Variants in PPARGC1B observed in about 807,000 individuals in gnomAD.
PPARGC1B encodes peroxisome proliferator-activated receptor gamma coactivator 1-beta.
Under a neutral mutation model 101.6 loss-of-function variants are expected in PPARGC1B, and 34 were observed. The observed-to-expected ratio is 0.33, with a 90% confidence interval of 0.25 to 0.45. The LOEUF is 0.45. Among genes scored for constraint, PPARGC1B ranks in the 20% least tolerant of loss-of-function variants. The pLI is 1.00. For missense variants in PPARGC1B, 1,234 were observed against 1,317.6 expected (o/e 0.94, Z 0.98); for synonymous variants, 548 against 539.3 (o/e 1.02, Z -0.22).
intron 1 of PPARGC1B, 149 bp from the exon 2 acceptor site, chr5:149,820,284 G>T: frequency 2.8e-6 from 2 of 717,770 alleles, no homozygotes; most frequent in Non-Finnish European, 4.7e-6. Flanking sequence ...TCAACCAAGG[G>T]GTGAAGCTGA....
intron 1 of PPARGC1B, among the ~76,000 whole-genome samples, chr5:149,745,048 T>C (rs1755038472): frequency 6.6e-6 from 1 of 152,026 alleles, no homozygotes; most frequent in Admixed American, 6.6e-5. Context: ...ACTAAAGGCA[T>C]GTGCCACTAC....
In PPARGC1B at chr5:149,809,115, TTAGATAGA is replaced by T. The variant is rs10635808; in HGVS notation, c.79-11276_79-11269del. 9.2e-3 allele frequency among the ~76,000 whole-genome samples: 777 copies of T among 84,136 alleles called. 6 individuals carry two copies. The highest frequency in any genetic ancestry group is 0.019 in the African/African-American group (399 of 20,848). 55.2% of individuals were successfully genotyped at this position (84,136 alleles called of 152,430 possible). On this transcript the variant is annotated intron_variant, in intron 1 of 11. Transcript: ENST00000309241. ...ACACAGAAAGACCCCTATCTCCACCTTAGATAGATAGATAGATAGATAGATAGATAGAT... is the reference window on the plus strand; with the variant it reads ...ACACAGAAAGACCCCTATCTCCACCTTAGATAGATAGATAGATAGATAGAT...
At chr5:149,804,391 C>T (rs1373367590) in intron 1 of PPARGC1B, among the ~76,000 whole-genome samples, 2 of 152,044 alleles carry the variant, frequency 1.3e-5, no homozygotes, top group Admixed American at 1.3e-4. Context: ...CACAGTGATG[C>T]GGCCGGGTGC....
chr5:149,774,642 A>G (rs1188751936), intron 1 of PPARGC1B, among the ~76,000 whole-genome samples: 1 of 151,580 alleles, frequency 6.6e-6, no homozygotes, highest in Non-Finnish European at 1.5e-5. Context: ...GTTTGTCTCT[A>G]TTTAGGGTGC....
chr5:149,830,055 G>GAAAAAAAAA (rs71587791), intron 3 of PPARGC1B, among the ~76,000 whole-genome samples: 1 of 89,816 alleles, frequency 1.1e-5, no homozygotes, highest in Non-Finnish European at 2.1e-5. Context: ...AAAAAAAAAA[G>GAAAAAAAAA]AAAAAAAAAA....
intron 1 of PPARGC1B, among the ~76,000 whole-genome samples, chr5:149,784,159 C>T (rs1303996293): frequency 6.6e-6 from 1 of 152,044 alleles, no homozygotes; most frequent in Non-Finnish European, 1.5e-5. Context: ...CTATAGTCCT[C>T]AGTCAGGGAG....
At position 149,814,875 on chromosome 5, in the gene PPARGC1B, G is replaced by A. The variant is rs1164190212; in HGVS notation, c.79-5558G>A. On this transcript the variant is annotated intron_variant, in intron 1 of 11. Coordinates refer to ENST00000309241, the MANE Select transcript of PPARGC1B (RefSeq NM_133263.4). ...GTGTTGCTGGAGAAGGGGGGCCCAC[G>A]GCAGGGGGTGAGCAGGCACGTTGAG... is the stretch of plus-strand genomic sequence containing the variant. Among the ~76,000 whole-genome samples, 8 of 152,328 alleles carry A rather than the reference G, an allele frequency of 5.3e-5. No individual in the cohort carries two copies. The East Asian group carries it at 1.2e-3, about 22-fold the overall frequency.
chr5:149,809,115 TTAGATAGATAGATAGA>T (rs10635808), intron 1 of PPARGC1B, among the ~76,000 whole-genome samples: 6 of 84,154 alleles, frequency 7.1e-5, no homozygotes, highest in Middle Eastern at 6.7e-3. Flanking sequence ...TATCTCCACC[TTAGATAGATAGATAGA>T]TAGATAGATA....
rs565725584 is a variant in PPARGC1B, at chr5:149,843,159, A to C, written c.2816+782A>C. 2.8e-4 allele frequency among the ~76,000 whole-genome samples: 43 copies of C among 152,066 alleles called. 1 individual carries two copies. Among genetic ancestry groups the C allele is most frequent in the Admixed American group, 2.4e-3 (37 of 15,286 alleles). On this transcript the variant is annotated intron_variant, in intron 10 of 11. Transcript: ENST00000309241. Reference sequence around the variant, plus strand: ...CTCCAGCCTGGGTGATAGAGCAAAAAATAAGAAAAGGCCCCAGGCCTTTTG... The same window carrying C: ...CTCCAGCCTGGGTGATAGAGCAAAACATAAGAAAAGGCCCCAGGCCTTTTG...
intron 1 of PPARGC1B, among the ~76,000 whole-genome samples, chr5:149,815,709 G>A (rs1758026632): frequency 6.6e-6 from 1 of 152,108 alleles, no homozygotes; most frequent in Non-Finnish European, 1.5e-5. Context: ...GCCATACCTA[G>A]CTCATTTTTG....
At chr5:149,834,524 C>T (rs760475250) in intron 5 of PPARGC1B, 150 bp from the exon 6 acceptor site, 2 of 637,728 alleles carry the variant, frequency 3.1e-6, no homozygotes, top group Non-Finnish European at 5.5e-6. Context: ...GTTGTTCTGC[C>T]CTTCTCTAAA....
intron 2 of PPARGC1B, among the ~76,000 whole-genome samples, chr5:149,824,383 T>A (rs913758530): frequency 6.6e-6 from 1 of 152,162 alleles, no homozygotes; most frequent in African/African-American, 2.4e-5. Context: ...CACTCTTTCA[T>A]TAAGTAAATC....
chr5:149,826,784 C>T lies in PPARGC1B; in HGVS notation c.364C>T (p.Leu122=), dbSNP rs758846221. 4.3e-6 allele frequency: 7 copies of T among 1,613,910 alleles called. No homozygotes were observed. In the East Asian group the frequency reaches 1.6e-4, roughly 36 times the overall value. Residue 122 remains leucine, a synonymous_variant, in exon 3 of 12, where the codon CTA becomes TTA. Transcript: ENST00000309241. ...AFPALDGGDA[L]SCTSASPAPS... ...CCCAGCCCTGGATGGTGGAGACGCT[C>T]TATCATGCACCTCAGCTTCGCCTGC...
intron 1 of PPARGC1B, among the ~76,000 whole-genome samples, chr5:149,754,067 T>C (rs1398995020): frequency 6.6e-6 from 1 of 152,236 alleles, no homozygotes; most frequent in African/African-American, 2.4e-5. Flanking sequence ...TATGTTTCTG[T>C]AGAAATGCAT....
chr5:149,835,268 T>G, intron 6 of PPARGC1B, 33 bp from the exon 7 acceptor site: 1 of 1,610,902 alleles, frequency 6.2e-7, no homozygotes, highest in Non-Finnish European at 8.5e-7. Flanking sequence ...GCTGACTTGC[T>G]TCTTTCCTTT....
intron 1 of PPARGC1B, among the ~76,000 whole-genome samples, chr5:149,780,580 AG>A (rs1423652951): frequency 2.6e-5 from 4 of 152,100 alleles, no homozygotes; most frequent in Admixed American, 2.6e-4. Context: ...TTGGCAGTGG[AG>A]GGGTAGTTGT....
intron 1 of PPARGC1B, chr5:149,772,170 G>A (rs1239077860): frequency 6.2e-7 from 1 of 1,607,856 alleles, no homozygotes; most frequent in Non-Finnish European, 8.5e-7. Flanking sequence ...TGTTTAGGTG[G>A]CGTTGGTGGT....
At chr5:149,737,058 C>T (rs1485313471) in intron 1 of PPARGC1B, among the ~76,000 whole-genome samples, 1 of 152,194 alleles carries the variant, frequency 6.6e-6, no homozygotes, top group Non-Finnish European at 1.5e-5. Context: ...ATCTGCTCTA[C>T]CTTTTCATTT....
Position 149,730,451 on chromosome 5 carries a change from C to T in PPARGC1B, c.78+31C>T, listed in dbSNP as rs761199558. On this transcript the variant is annotated intron_variant, in intron 1 of 11. Coordinates refer to ENST00000309241, the MANE Select transcript of PPARGC1B (RefSeq NM_133263.4). This position sits in a 1 kb window ranked among gnomAD's most constrained non-coding sequence, Gnocchi z 4.0. ...GCCGGCTGGGGCTGCGGGCCCGGGG[C>T]CAGGGGTGCTGAGCTGCGGGGGCCG... 2 of 1,511,250 alleles carry T rather than the reference C, an allele frequency of 1.3e-6. No homozygotes were observed. The highest frequency in any genetic ancestry group is 4.2e-5 in the Admixed American group (2 of 47,860). The allele number at this position is 1,511,250 out of a possible 1,614,324, so 93.6% of individuals were successfully genotyped here.
Sources: gnomAD v4.1 joint callset for allele counts (sites outside exome capture counted in the v4.1 genomes callset) on GRCh38, gnomAD v4.1.1 for gene constraint, Gnocchi (gnomAD v3.1) non-coding constraint, MANE v1.5 for transcripts, NCBI Gene and HGNC (gene_info 2026-07-23, HGNC 2026-07-21) for gene names.